Variants in SLC25A48 observed in about 807,000 individuals in gnomAD.
The protein encoded by SLC25A48 is solute carrier family 25 member 48, also known as CTC-321K16.1.
Under a neutral mutation model 32.2 loss-of-function variants are expected in SLC25A48, and 29 were observed. The observed-to-expected ratio is 0.90, with a 90% CI of 0.67 to 1.23. The LOEUF (loss-of-function observed/expected upper bound fraction) is 1.23, where lower values mean the gene tolerates loss of function less well. SLC25A48 is among the 50% of genes most tolerant of loss of function. SLC25A48 has a pLI of 0.00. For missense variants in SLC25A48, 399 were observed against 422.7 expected, an observed-to-expected ratio of 0.94 and a Z score of 0.49; for synonymous variants, 164 against 172.3, an observed-to-expected ratio of 0.95 and a Z score of 0.38.
intron 3 of SLC25A48, among the ~76,000 whole-genome samples, chr5:135,774,159 C>T (rs1395266674): frequency 6.6e-6 from 1 of 150,988 alleles, no homozygotes; most frequent in Non-Finnish European, 1.5e-5. Context: ...TTCCTAATAT[C>T]CAGGGAAGGA....
At chr5:135,871,774 G>C in intron 5 of SLC25A48, 56 bp downstream of exon 5, 1 of 1,598,502 alleles carries the variant, frequency 6.3e-7, no homozygotes, top group East Asian at 2.2e-5. Context: ...CAGTGGGACA[G>C]CTGGGGAACT....
chr5:135,838,570 A>G lies in SLC25A48; in HGVS notation c.46+3677A>G, dbSNP rs528752713. 1.6e-4 allele frequency among the ~76,000 whole-genome samples: 25 copies of G among 152,280 alleles called. No individual in the cohort carries two copies. In the South Asian group the frequency reaches 5.2e-3, roughly 32 times the overall value. On this transcript the variant is annotated intron_variant, in intron 1 of 7. Transcript: ENST00000681962. Reference sequence around the variant, plus strand: ...AGACTCAGAGGCCTAGGAGGAAAAAATGGTTTCCTGGGCTGGGCCCAGGGA... The same window carrying G: ...AGACTCAGAGGCCTAGGAGGAAAAAGTGGTTTCCTGGGCTGGGCCCAGGGA...
At chr5:135,737,464 A>G (rs1249139758) in intron 3 of SLC25A48, among the ~76,000 whole-genome samples, 4 of 152,222 alleles carry the variant, frequency 2.6e-5, no homozygotes, top group Non-Finnish European at 4.4e-5. Flanking sequence ...ATGATGGCTT[A>G]TCTTGGGCTC....
chr5:135,816,539 G>C (rs888593495), intron 4 of SLC25A48, among the ~76,000 whole-genome samples: 21 of 152,110 alleles, frequency 1.4e-4, no homozygotes, highest in African/African-American at 5.1e-4. Context: ...ACATAGGGAT[G>C]ATCATTGGTA....
At chr5:135,631,790 A>G (rs1752577717) in intron 2 of SLC25A48, among the ~76,000 whole-genome samples, 1 of 152,210 alleles carries the variant, frequency 6.6e-6, no homozygotes. Context: ...TTGCTTTGCA[A>G]TTTATCCCTA....
intron 3 of SLC25A48, among the ~76,000 whole-genome samples, chr5:135,793,325 C>T (rs575977437): frequency 1.2e-4 from 18 of 146,042 alleles, no homozygotes; most frequent in African/African-American, 4.6e-4. Flanking sequence ...GAGATGATAC[C>T]CTCCTGATGT....
At chr5:135,603,568 G>C (rs1406868310) in intron 1 of SLC25A48, among the ~76,000 whole-genome samples, 1 of 152,202 alleles carries the variant, frequency 6.6e-6, no homozygotes, top group African/African-American at 2.4e-5. Flanking sequence ...CTGGTGGTGG[G>C]GGGGTGCGAG....
intron 3 of SLC25A48, among the ~76,000 whole-genome samples, chr5:135,730,733 G>A (rs1160148608): frequency 6.6e-5 from 10 of 152,220 alleles, no homozygotes; most frequent in Non-Finnish European, 1.3e-4. Context: ...CTTGTTGAAT[G>A]GCCTTAACCA....
intron 3 of SLC25A48, among the ~76,000 whole-genome samples, chr5:135,702,904 G>T (rs1048954136): frequency 6.6e-6 from 1 of 152,174 alleles, no homozygotes; most frequent in African/African-American, 2.4e-5. Context: ...GCTCACACAG[G>T]GCCAGAATGG....
At chr5:135,609,683 G>T (rs1413807478) in intron 1 of SLC25A48, 1 of 152,230 alleles carries the variant, frequency 6.6e-6, no homozygotes, top group East Asian at 1.9e-4. Context: ...ATCATGGGAA[G>T]TAACCTGAGA....
At chr5:135,781,360 G>A (rs1212181907) in intron 3 of SLC25A48, among the ~76,000 whole-genome samples, 3 of 116,752 alleles carry the variant, frequency 2.6e-5, no homozygotes, top group African/African-American at 5.2e-5. Context: ...GGATGTGTAC[G>A]CCTCTCTGTG....
chr5:135,833,138 T>G (rs1207925891), upstream of SLC25A48, among the ~76,000 whole-genome samples: 1 of 152,214 alleles, frequency 6.6e-6, no homozygotes, highest in African/African-American at 2.4e-5. Context: ...CCCTGGGTGA[T>G]GCGCCCCATG....
intron 1 of SLC25A48, among the ~76,000 whole-genome samples, chr5:135,590,410 G>A (rs1000730834): frequency 6.6e-6 from 1 of 152,214 alleles, no homozygotes; most frequent in Non-Finnish European, 1.5e-5. Flanking sequence ...AGCCTGCAGG[G>A]CCTGAGAGCT....
intron 3 of SLC25A48, among the ~76,000 whole-genome samples, chr5:135,809,839 A>G (rs1409503636): frequency 6.6e-6 from 1 of 152,074 alleles, no homozygotes; most frequent in Non-Finnish European, 1.5e-5. Flanking sequence ...GTACCAATGG[A>G]CCTTCTTTTT....
At chr5:135,886,338 C>A (rs1762712768) in intron 7 of SLC25A48, among the ~76,000 whole-genome samples, 1 of 138,818 alleles carries the variant, frequency 7.2e-6, no homozygotes, top group Non-Finnish European at 1.6e-5. Context: ...GCAGACAATG[C>A]CTCAGCACAT....
chr5:135,730,441 C>A (rs1383818370), intron 3 of SLC25A48, among the ~76,000 whole-genome samples: 3 of 152,226 alleles, frequency 2.0e-5, no homozygotes. Flanking sequence ...ACTTGTTCCT[C>A]CTTGCCTTCT....
chr5:135,648,631 G>A (rs770621035), intron 3 of SLC25A48: 3 of 152,180 alleles, frequency 2.0e-5, no homozygotes, highest in Non-Finnish European at 4.4e-5. Flanking sequence ...CTAGCTTAAG[G>A]GCCTACCAGC....
At chr5:135,694,876 C>T (rs1199273192) in intron 3 of SLC25A48, among the ~76,000 whole-genome samples, 2 of 152,242 alleles carry the variant, frequency 1.3e-5, no homozygotes, top group South Asian at 2.1e-4. Context: ...TGTGAGCCAC[C>T]GTGCCCAGCC....
intron 1 of SLC25A48, among the ~76,000 whole-genome samples, chr5:135,584,998 C>T (rs1218814610): frequency 3.3e-5 from 5 of 152,210 alleles, no homozygotes; most frequent in African/African-American, 9.6e-5. Flanking sequence ...GTTGATTCAG[C>T]GAGGGCTTGG....
Sources: gnomAD v4.1 joint callset for allele counts (sites outside exome capture counted in the v4.1 genomes callset) on GRCh38, gnomAD v4.1.1 for gene constraint, MANE v1.5 for transcripts, NCBI Gene and HGNC (gene_info 2026-07-23, HGNC 2026-07-21) for gene names.